KIF13A: variants seen among roughly 807,000 people sequenced by gnomAD.
KIF13A encodes the protein kinesin-like protein KIF13A.
KIF13A carries 79 observed loss-of-function variants against 212.2 expected under a neutral mutation model. The ratio of observed to expected loss-of-function variants is 0.37; its 90% CI spans 0.31 to 0.45. The LOEUF is 0.45. KIF13A is among the 20% of genes least tolerant of loss of function. The pLI is 1.00. For synonymous variants in KIF13A, 789 were observed against 808.6 expected, an observed-to-expected ratio of 0.98 and a Z score of 0.41; for missense variants, 1,901 against 2,209.0, an observed-to-expected ratio of 0.86 and a Z score of 2.79.
chr6:17,834,210 T>C lies in KIF13A; in HGVS notation c.1156-139A>G, dbSNP rs1765721121. On this transcript the variant is annotated intron_variant, in intron 11 of 38. Transcript: ENST00000259711. The surrounding 1 kb of genome is among the most constrained non-coding windows in gnomAD (Gnocchi z 4.0). ...AGTTATATGCTGTTAGGGTGGGTTTTTAACCTTTATTAATCAAACGAATGT... is the reference window on the plus strand; with the variant it reads ...AGTTATATGCTGTTAGGGTGGGTTTCTAACCTTTATTAATCAAACGAATGT... 1.8e-6 allele frequency: 1 copy of C among 541,894 alleles called. No homozygotes were observed. The highest frequency in any genetic ancestry group is 2.0e-5 in the African/African-American group (1 of 50,290). 33.6% of individuals were successfully genotyped at this position (541,894 alleles called of 1,614,324 possible).
In KIF13A at chr6:17,975,432, T is replaced by C. The variant is rs529574860; in HGVS notation, c.146+11622A>G. On this transcript the variant is annotated intron_variant, in intron 2 of 38. Transcript: ENST00000259711. ...TTTTTTCCTTTTGGTGGGTTCGTGA[T>C]CTCGCTAGCTTACAAAAGTGAAGCT... is the stretch of plus-strand genomic sequence containing the variant. 1.1e-3 allele frequency among the ~76,000 whole-genome samples: 165 copies of C among 152,286 alleles called. 5 individuals are homozygous for C. The South Asian group carries it at 0.034, about 32-fold the overall frequency.
At chr6:17,870,225 A>C (rs1411116786) in intron 4 of KIF13A, among the ~76,000 whole-genome samples, 1 of 152,248 alleles carries the variant, frequency 6.6e-6, no homozygotes, top group Non-Finnish European at 1.5e-5. Flanking sequence ...TTTTTTAAGT[A>C]GACAGTGCTC....
intron 33 of KIF13A, among the ~76,000 whole-genome samples, chr6:17,778,047 A>T (rs1182059234): frequency 6.6e-6 from 1 of 152,134 alleles, no homozygotes; most frequent in African/African-American, 2.4e-5. Flanking sequence ...CTGAGGCACT[A>T]CAATTGCTTG....
In KIF13A at chr6:17,783,146, G is replaced by T. The variant is rs1247874024; in HGVS notation, c.3544+500C>A. Among the ~76,000 whole-genome samples, 2 of 152,214 alleles carry T rather than the reference G, an allele frequency of 1.3e-5. No homozygotes were observed. The highest frequency in any genetic ancestry group is 1.3e-4 in the Admixed American group (2 of 15,282). ...TCTGCCGTTGTTTTCTACACATGGG[G>T]TTCCAGTTAATATTTCGTTTAGAAA... On this transcript the variant is annotated intron_variant, in intron 29 of 38. Coordinates refer to ENST00000259711, the MANE Select transcript of KIF13A (RefSeq NM_022113.6). This position sits in a 1 kb window ranked among gnomAD's most constrained non-coding sequence, Gnocchi z 4.3.
At chr6:17,804,531 GT>G in intron 19 of KIF13A, 21 bp from the exon 20 acceptor site, 1 of 1,551,814 alleles carries the variant, frequency 6.4e-7, no homozygotes, top group East Asian at 2.3e-5. Flanking sequence ...GGAGGGGCCA[GT>G]GAGTGGACGA....
At chr6:17,817,876 G>A (rs1259879496) in intron 16 of KIF13A, among the ~76,000 whole-genome samples, 2 of 152,178 alleles carry the variant, frequency 1.3e-5, no homozygotes, top group Non-Finnish European at 2.9e-5. Context: ...TACAGGCACA[G>A]AGCTCACCAC....
intron 2 of KIF13A, among the ~76,000 whole-genome samples, chr6:17,985,248 G>A (rs1465921000): frequency 6.6e-6 from 1 of 152,130 alleles, no homozygotes; most frequent in Non-Finnish European, 1.5e-5. Context: ...AGGGACTATC[G>A]TAAGTAAGCA....
chr6:17,831,409 C>T lies in KIF13A; in HGVS notation c.1267-174G>A, dbSNP rs939154874. Among the ~76,000 whole-genome samples the T allele has an allele frequency of 7.9e-5, 12 of 151,862 alleles. 1 individual carries two copies. Among genetic ancestry groups the T allele is most frequent in the African/African-American group, 2.9e-4 (12 of 41,332 alleles). ...ACAGTGCATGACATCTTGTGGCAGG[C>T]GTGATAGGGGCACCAAGGATGAACC... On this transcript the variant is annotated intron_variant, in intron 12 of 38. Coordinates refer to ENST00000259711, the MANE Select transcript of KIF13A (RefSeq NM_022113.6).
chr6:17,799,166 ATAT>A lies in KIF13A; in HGVS notation c.2790+97_2790+99del. On this transcript the variant is annotated intron_variant, in intron 22 of 38. Transcript: ENST00000259711. The surrounding 1 kb of genome is among the most constrained non-coding windows in gnomAD (Gnocchi z 4.4). ...TTTGAGGTTAAAACATCTAATAAAC[ATAT>A]TATACTTAAAACAAATGCTTGTGGG... 1 of 713,812 alleles carries A rather than the reference ATAT, an allele frequency of 1.4e-6. No homozygotes were observed. The highest frequency in any genetic ancestry group is 2.1e-6 in the Non-Finnish European group (1 of 482,598). 44.2% of individuals were successfully genotyped at this position (713,812 alleles called of 1,614,324 possible). A position where few individuals can be genotyped will look rare whatever the true frequency, so the allele number is the denominator to read the frequency against.
chr6:17,976,577 C>A (rs969440030), intron 2 of KIF13A, among the ~76,000 whole-genome samples: 1 of 152,184 alleles, frequency 6.6e-6, no homozygotes, highest in Non-Finnish European at 1.5e-5. Flanking sequence ...TCCCTCCACA[C>A]CTCCCTGCAA....
At chr6:17,779,556 G>A (rs1229014876) in intron 32 of KIF13A, 36 bp downstream of exon 32, 3 of 941,006 alleles carry the variant, frequency 3.2e-6, no homozygotes, top group Non-Finnish European at 5.0e-6. Flanking sequence ...ACAGGCATGA[G>A]CCACTGCGCC....
Position 17,850,513 on chromosome 6 carries a change from G to T in KIF13A, c.583-56C>A. ...AGCAAAAACACAAGAATGTAGTCCT[G>T]CACACCAGGTATATGTATTAATTAT... On this transcript the variant is annotated intron_variant, in intron 7 of 38. Transcript: ENST00000259711. This position sits in a 1 kb window ranked among gnomAD's most constrained non-coding sequence, Gnocchi z 6.2. The T allele has an allele frequency of 5.3e-6, 8 of 1,520,724 alleles. No individual in the cohort carries two copies. The highest frequency in any genetic ancestry group is 7.1e-6 in the Non-Finnish European group (8 of 1,122,846). The allele number at this position is 1,520,724 out of a possible 1,614,324, so 94.2% of individuals were successfully genotyped here. A position where few individuals can be genotyped will look rare whatever the true frequency, so the allele number is the denominator to read the frequency against.
chr6:17,781,059 T>C, intron 30 of KIF13A, 118 bp downstream of exon 30: 3 of 1,423,148 alleles, frequency 2.1e-6, no homozygotes, highest in Non-Finnish European at 2.9e-6. Flanking sequence ...ACAAATGTTC[T>C]ATTTTTTAAA....
chr6:17,792,291 C>T (rs1761656980), intron 25 of KIF13A, among the ~76,000 whole-genome samples: 1 of 149,880 alleles, frequency 6.7e-6, no homozygotes, highest in Non-Finnish European at 1.5e-5. Flanking sequence ...TATACTTATA[C>T]TGCAGGTCAC....
chr6:17,979,570 C>A (rs538223293), intron 2 of KIF13A, among the ~76,000 whole-genome samples: 1 of 151,960 alleles, frequency 6.6e-6, no homozygotes, highest in Admixed American at 6.6e-5. Context: ...CATGTATAGT[C>A]CTTGCCCTGG....
rs1321265479 is a variant in KIF13A, at chr6:17,834,704, C to G, written c.1156-633G>C. Among the ~76,000 whole-genome samples, 2 of 152,176 alleles carry G rather than the reference C, an allele frequency of 1.3e-5. No homozygotes were observed. The highest frequency in any genetic ancestry group is 2.9e-5 in the Non-Finnish European group (2 of 68,022). On this transcript the variant is annotated intron_variant, in intron 11 of 38. Coordinates refer to ENST00000259711, the MANE Select transcript of KIF13A (RefSeq NM_022113.6). This position sits in a 1 kb window ranked among gnomAD's most constrained non-coding sequence, Gnocchi z 4.0. The stretch of plus-strand genomic sequence containing the variant: ...AAAATTTTGAGGGGAGAGGCCTTTA[C>G]TTGTCAATAATATGCTTTGACACCT...
intron 2 of KIF13A, among the ~76,000 whole-genome samples, chr6:17,954,818 C>CA (rs937730259): frequency 6.6e-6 from 1 of 152,024 alleles, no homozygotes; most frequent in African/African-American, 2.4e-5. Context: ...GGACCACAGG[C>CA]ACACAGCATC....
At chr6:17,824,028 C>T (rs1007741870) in intron 16 of KIF13A, among the ~76,000 whole-genome samples, 1 of 151,560 alleles carries the variant, frequency 6.6e-6, no homozygotes, top group African/African-American at 2.4e-5. Flanking sequence ...CTGCCTCAGC[C>T]TTCCGAGTAG....
At chr6:17,878,843 G>A (rs1770804610) in intron 3 of KIF13A, among the ~76,000 whole-genome samples, 1 of 152,110 alleles carries the variant, frequency 6.6e-6, no homozygotes, top group Admixed American at 6.6e-5. Context: ...TTAAAACCCT[G>A]CAGATGAAAA....
Sources: allele counts gnomAD v4.1 joint callset (sites outside exome capture counted in the v4.1 genomes callset), GRCh38; gene constraint gnomAD v4.1.1; non-coding constraint Gnocchi (gnomAD v3.1); transcripts MANE v1.5; gene names NCBI Gene and HGNC (gene_info 2026-07-23, HGNC 2026-07-21).